Variants in TMEM50B observed in about 807,000 individuals in gnomAD.
TMEM50B encodes HCV p7-trans-regulated protein 3.
Under a neutral mutation model 23.4 loss-of-function variants are expected in TMEM50B, and 14 were observed. The ratio of observed to expected loss-of-function variants is 0.60; its 90% CI spans 0.39 to 0.93. The LOEUF (loss-of-function observed/expected upper bound fraction) is 0.93. TMEM50B is among the 40% of genes least tolerant of loss of function. TMEM50B has a pLI of 0.00. For missense variants in TMEM50B, 159 were observed against 193.0 expected, an observed-to-expected ratio of 0.82 and a Z score of 1.04; for synonymous variants, 64 against 62.3, an observed-to-expected ratio of 1.03 and a Z score of -0.13.
chr21:33,475,680 T>C lies in TMEM50B; in HGVS notation c.-42+4158A>G, dbSNP rs574874534. Among the ~76,000 whole-genome samples, 19 of 150,750 alleles carry C rather than the reference T, an allele frequency of 1.3e-4. No individual in the cohort carries two copies. The East Asian group carries it at 1.8e-3, about 15-fold the overall frequency. The stretch of plus-strand genomic sequence containing the variant: ...TTTTAAAAAAGAACAAGCAGCTGGG[T>C]GCGGTGGCTTACTCCTGTAATCCCA... On this transcript the variant is annotated intron_variant, in intron 1 of 6. Coordinates refer to ENST00000542230, the MANE Select transcript of TMEM50B (RefSeq NM_006134.7).
At chr21:33,465,459 T>A (rs368969411) in intron 3 of TMEM50B, 50 bp from the exon 4 acceptor site, 1 of 1,402,590 alleles carries the variant, frequency 7.1e-7, no homozygotes, top group Non-Finnish European at 1.0e-6. Context: ...GCTGTTAAAA[T>A]ACTCAAATAT....
At chr21:33,467,671 G>A (rs1331025820) in intron 2 of TMEM50B, among the ~76,000 whole-genome samples, 1 of 152,170 alleles carries the variant, frequency 6.6e-6, no homozygotes, top group Non-Finnish European at 1.5e-5. Flanking sequence ...ATGGTGGCAT[G>A]TGCCTCTAAT....
intron 8 of TMEM50B, among the ~76,000 whole-genome samples, chr21:33,435,390 C>T (rs1360010110): frequency 6.6e-6 from 1 of 152,036 alleles, no homozygotes; most frequent in African/African-American, 2.4e-5. Context: ...TTAGAGACGT[C>T]TTAAGATTAA....
chr21:33,478,936 T>C, intron 1 of TMEM50B: 1 of 419,672 alleles, frequency 2.4e-6, no homozygotes, highest in South Asian at 1.7e-5. Flanking sequence ...AAAGAGAAAA[T>C]CGGGTCTTAC....
chr21:33,474,463 A>G (rs1222714003), intron 1 of TMEM50B, among the ~76,000 whole-genome samples: 2 of 151,368 alleles, frequency 1.3e-5, no homozygotes, highest in Non-Finnish European at 2.9e-5. Context: ...GAAAGGAATG[A>G]TACCCGATGA....
At chr21:33,476,048 T>G (rs4355187) in intron 1 of TMEM50B, among the ~76,000 whole-genome samples, 28,121 of 152,218 alleles carry the variant, frequency 0.18, 3,179 homozygotes, top group Non-Finnish European at 0.24. Context: ...TAATAAATCC[T>G]CTATTATTTA....
intron 1 of TMEM50B, chr21:33,479,066 T>C (rs2084401696): frequency 3.3e-6 from 1 of 304,290 alleles, no homozygotes; most frequent in Non-Finnish European, 6.4e-6. Flanking sequence ...CAGCCCAGCC[T>C]AGCCCGTCTC....
At chr21:33,463,569 G>GT (rs976211024) in intron 4 of TMEM50B, among the ~76,000 whole-genome samples, 6 of 152,052 alleles carry the variant, frequency 3.9e-5, no homozygotes, top group African/African-American at 1.4e-4. Context: ...TTACACAACT[G>GT]TAACTGTACA....
chr21:33,458,341 C>T (rs1228210780), intron 5 of TMEM50B, among the ~76,000 whole-genome samples: 1 of 152,056 alleles, frequency 6.6e-6, no homozygotes, highest in African/African-American at 2.4e-5. Flanking sequence ...TGGTGAAACC[C>T]CATCTCTACT....
intron 6 of TMEM50B, among the ~76,000 whole-genome samples, chr21:33,453,836 G>A (rs1040995191): frequency 6.6e-6 from 1 of 152,002 alleles, no homozygotes; most frequent in African/African-American, 2.4e-5. Flanking sequence ...GGGCATGGTG[G>A]CTCACACCTG....
In TMEM50B at chr21:33,450,901, G is replaced by A. The variant is rs111420316; in HGVS notation, c.432-38C>T. ...GAAAACAAATCATGAGGAAAAAACCGATGGAACAAGCAACACAGAATTCAT... is the reference window on the plus strand; with the variant it reads ...GAAAACAAATCATGAGGAAAAAACCAATGGAACAAGCAACACAGAATTCAT... On this transcript the variant is annotated intron_variant, in intron 6 of 6. Coordinates refer to ENST00000542230, the MANE Select transcript of TMEM50B (RefSeq NM_006134.7). 2.1e-3 allele frequency: 3,329 copies of A among 1,553,428 alleles called. 4 individuals are homozygous for A. Among genetic ancestry groups the A allele is most frequent in the Non-Finnish European group, 2.8e-3 (3,180 of 1,129,064 alleles).
At chr21:33,462,858 A>G (rs1274008226) in intron 4 of TMEM50B, among the ~76,000 whole-genome samples, 1 of 152,232 alleles carries the variant, frequency 6.6e-6, no homozygotes, top group Non-Finnish European at 1.5e-5. Flanking sequence ...ATGAAAAGTA[A>G]GCGCGATCGC....
Position 33,439,734 on chromosome 21 carries a change from C to A in TMEM50B, c.*2037-437G>T, listed in dbSNP as rs547529324. ...TCATTCTCCTTAGTAAAATAAATGA[C>A]TAATTGATGGGATTAGTATTTACAC... On this transcript the variant is annotated intron_variant and NMD_transcript_variant, in intron 7 of 8. Transcript: ENST00000420455. Among the ~76,000 whole-genome samples, 9 of 150,956 alleles carry A rather than the reference C, an allele frequency of 6.0e-5. No individual in the cohort carries two copies. The South Asian group carries it at 1.9e-3, about 32-fold the overall frequency.
chr21:33,443,657 CA>C (rs1379592404), intron 7 of TMEM50B, among the ~76,000 whole-genome samples: 1 of 152,130 alleles, frequency 6.6e-6, no homozygotes, highest in African/African-American at 2.4e-5. Context: ...AAGTACATTA[CA>C]GGGGTAATCT....
chr21:33,463,401 T>C (rs1257026683), intron 4 of TMEM50B, among the ~76,000 whole-genome samples: 1 of 152,186 alleles, frequency 6.6e-6, no homozygotes, highest in Non-Finnish European at 1.5e-5. Flanking sequence ...TACTATATGA[T>C]CCCATTTATA....
chr21:33,451,226 A>G (rs536269458), intron 6 of TMEM50B, among the ~76,000 whole-genome samples: 1 of 152,294 alleles, frequency 6.6e-6, no homozygotes, highest in East Asian at 1.9e-4. Context: ...TGTCTCCAGG[A>G]GCCTACCATA....
At position 33,468,807 on chromosome 21, in the gene TMEM50B, A is replaced by G. The variant is rs773679683; in HGVS notation, c.79T>C (p.Ser27Pro). The change falls in exon 2 of 7, where the codon TCT becomes CCT. Residue 27 changes from serine (S) to proline (P), a missense_variant. Coordinates refer to ENST00000542230, the MANE Select transcript of TMEM50B (RefSeq NM_006134.7). The stretch of plus-strand genomic sequence containing the variant: ...CTTACCAATATACCTGCGACAACAG[A>G]TGCCACAGCATTTCTTCTCTCACTC... ...DWSERRNAVA[S>P]VVAGILFFTG... 9 of 1,613,988 alleles carry G rather than the reference A, an allele frequency of 5.6e-6. No individual in the cohort carries two copies. Among genetic ancestry groups the G allele is most frequent in the Non-Finnish European group, 7.6e-6 (9 of 1,179,964 alleles).
At chr21:33,455,813 C>CTTAGAT in intron 5 of TMEM50B, 29 bp from the exon 6 acceptor site, 1 of 1,570,216 alleles carries the variant, frequency 6.4e-7, no homozygotes, top group Non-Finnish European at 8.8e-7. Flanking sequence ...ACAGATTAGA[C>CTTAGAT]GGTTATATAG....
At chr21:33,447,694 A>T (rs965700144), downstream of TMEM50B, among the ~76,000 whole-genome samples, 1 of 107,082 alleles carries the variant, frequency 9.3e-6, no homozygotes, top group African/African-American at 3.8e-5. Flanking sequence ...ACACACACAC[A>T]CACACACACA....
Sources: allele counts gnomAD v4.1 joint callset (sites outside exome capture counted in the v4.1 genomes callset), GRCh38; gene constraint gnomAD v4.1.1; transcripts MANE v1.5; gene names NCBI Gene and HGNC (gene_info 2026-07-23, HGNC 2026-07-21).